Variants in PTPRT observed in about 807,000 individuals in gnomAD.
PTPRT encodes the protein receptor-type tyrosine-protein phosphatase T.
Under a neutral mutation model 176.8 loss-of-function variants are expected in PTPRT, and 56 were observed. That is an observed-to-expected ratio of 0.32 (90% confidence interval 0.26 to 0.40). PTPRT has a LOEUF of 0.40. PTPRT is among the 10% of genes least tolerant of loss of function. The pLI, the probability that PTPRT is intolerant of heterozygous loss-of-function variation, is 1.00. For synonymous variants in PTPRT, 783 were observed against 739.0 expected, an observed-to-expected ratio of 1.06 and a Z score of -0.96; for missense variants, 1,540 against 1,908.2, an observed-to-expected ratio of 0.81 and a Z score of 3.60.
chr20:42,772,017 T>C (rs6030464), intron 4 of PTPRT, among the ~76,000 whole-genome samples: 4,357 of 152,212 alleles, frequency 0.029, 217 homozygotes, highest in African/African-American at 0.1. Context: ...AGGAGGGGTG[T>C]ATTCACCATA....
At chr20:42,586,483 G>A (rs1282687963) in intron 7 of PTPRT, among the ~76,000 whole-genome samples, 1 of 152,088 alleles carries the variant, frequency 6.6e-6, no homozygotes, top group Admixed American at 6.5e-5. Context: ...AGTAGGTTAC[G>A]ACTCATCTAG....
rs570943099 is a variant in PTPRT, at chr20:42,386,651, G to T, written c.1561-34366C>A. 5.9e-5 allele frequency among the ~76,000 whole-genome samples: 9 copies of T among 152,120 alleles called. No individual in the cohort carries two copies. In the South Asian group the frequency reaches 8.3e-4, roughly 14 times the overall value. On this transcript the variant is annotated intron_variant, in intron 9 of 30. Transcript: ENST00000373187. ...GCTGAGGCAGGTGGATCACGAGGTC[G>T]TGAGTTCAAGACCAGCCTGGCCAAG... is the stretch of plus-strand genomic sequence containing the variant.
intron 12 of PTPRT, among the ~76,000 whole-genome samples, chr20:42,291,039 C>G (rs2057309040): frequency 6.6e-6 from 1 of 152,110 alleles, no homozygotes; most frequent in Admixed American, 6.6e-5. Flanking sequence ...TTCACATTAT[C>G]CCAACTTGTG....
intron 1 of PTPRT, among the ~76,000 whole-genome samples, chr20:42,975,920 C>T (rs1982917555): frequency 6.7e-6 from 1 of 148,998 alleles, no homozygotes. Context: ...CAACTTACCC[C>T]CCCACCAAAA....
At chr20:42,926,810 G>T (rs1205770255) in intron 1 of PTPRT, among the ~76,000 whole-genome samples, 1 of 152,160 alleles carries the variant, frequency 6.6e-6, no homozygotes, top group Non-Finnish European at 1.5e-5. Flanking sequence ...TCAAGCCTCA[G>T]CAAGGGGGCA....
chr20:42,083,494 G>C (rs1011752216), intron 29 of PTPRT, among the ~76,000 whole-genome samples: 4 of 152,308 alleles, frequency 2.6e-5, no homozygotes, highest in Middle Eastern at 3.4e-3. Flanking sequence ...GCTTCCTCTG[G>C]AGAAGAATTT....
At chr20:42,632,439 G>A (rs2074430639) in intron 7 of PTPRT, among the ~76,000 whole-genome samples, 1 of 151,852 alleles carries the variant, frequency 6.6e-6, no homozygotes. Context: ...TGGTTAGGCT[G>A]GTCTCGAACT....
chr20:42,256,064 T>C (rs2146943894), intron 13 of PTPRT, among the ~76,000 whole-genome samples: 1 of 152,258 alleles, frequency 6.6e-6, no homozygotes, highest in South Asian at 2.1e-4. Flanking sequence ...GGGAAAACCT[T>C]TGAAACCCTG....
At chr20:42,468,418 C>T (rs552576139) in intron 8 of PTPRT, among the ~76,000 whole-genome samples, 1 of 152,348 alleles carries the variant, frequency 6.6e-6, no homozygotes, top group African/African-American at 2.4e-5. Context: ...CAGGGTCCTA[C>T]ACTGAGACTC....
chr20:42,391,891 T>C lies in PTPRT; in HGVS notation c.1561-39606A>G, dbSNP rs140461954. On this transcript the variant is annotated intron_variant, in intron 9 of 30. Transcript: ENST00000373187. ...CAAGTTAATCATTGATGATACTGTC[T>C]AGGTTCTCCCCAACAGAAGAGCTTC... 1.9e-3 allele frequency among the ~76,000 whole-genome samples: 289 copies of C among 152,334 alleles called. 1 individual carries two copies. The highest frequency in any genetic ancestry group is 6.7e-3 in the African/African-American group (277 of 41,578).
chr20:42,319,458 C>T (rs1040464820), intron 11 of PTPRT, among the ~76,000 whole-genome samples: 6 of 152,144 alleles, frequency 3.9e-5, no homozygotes, highest in Admixed American at 2.0e-4. Context: ...GGTTCACATA[C>T]GATTGTGATT....
At chr20:42,639,401 T>A (rs1328844616) in intron 7 of PTPRT, among the ~76,000 whole-genome samples, 1 of 152,170 alleles carries the variant, frequency 6.6e-6, no homozygotes, top group Admixed American at 6.5e-5. Flanking sequence ...ACCAGAGCCC[T>A]GAGTCTCCTA....
At chr20:42,537,031 T>C (rs2072488879) in intron 7 of PTPRT, among the ~76,000 whole-genome samples, 2 of 152,056 alleles carry the variant, frequency 1.3e-5, no homozygotes, top group Non-Finnish European at 2.9e-5. Context: ...ATAAAAAGAA[T>C]TGGGTAAATA....
intron 7 of PTPRT, among the ~76,000 whole-genome samples, chr20:42,670,791 T>C (rs970397386): frequency 6.6e-6 from 1 of 152,128 alleles, no homozygotes; most frequent in Admixed American, 6.5e-5. Context: ...GATTTGTGAT[T>C]CTGTAACTAT....
chr20:42,424,325 T>G (rs552972818), intron 9 of PTPRT, among the ~76,000 whole-genome samples: 20 of 152,104 alleles, frequency 1.3e-4, no homozygotes, highest in African/African-American at 1.9e-4. Context: ...AAGCCCAGAT[T>G]GCAGCTTTCA....
At chr20:42,869,899 G>T (rs1169395603) in intron 2 of PTPRT, among the ~76,000 whole-genome samples, 1 of 152,118 alleles carries the variant, frequency 6.6e-6, no homozygotes, top group Non-Finnish European at 1.5e-5. Flanking sequence ...TCATGAATGG[G>T]AATAGCAACA....
chr20:42,987,727 G>T (rs910983309), intron 1 of PTPRT, among the ~76,000 whole-genome samples: 3 of 150,140 alleles, frequency 2.0e-5, no homozygotes, highest in African/African-American at 7.4e-5. Flanking sequence ...CATCATCCCT[G>T]ACACCCCCAC....
chr20:42,993,019 C>T (rs1457028419), intron 1 of PTPRT, among the ~76,000 whole-genome samples: 1 of 152,154 alleles, frequency 6.6e-6, no homozygotes, highest in Non-Finnish European at 1.5e-5. Flanking sequence ...AGCCACACAG[C>T]ATCAGTTCCA....
chr20:42,501,586 C>A (rs1251610599), intron 7 of PTPRT, among the ~76,000 whole-genome samples: 2 of 152,166 alleles, frequency 1.3e-5, no homozygotes, highest in Non-Finnish European at 2.9e-5. Flanking sequence ...TGAAACACAG[C>A]CACACCTATT....
Sources: allele counts gnomAD v4.1 joint callset (sites outside exome capture counted in the v4.1 genomes callset), GRCh38; gene constraint gnomAD v4.1.1; transcripts MANE v1.5; gene names NCBI Gene and HGNC (gene_info 2026-07-23, HGNC 2026-07-21).